C1QTNF7: variants seen among roughly 807,000 people sequenced by gnomAD.
C1QTNF7 encodes C1q and TNF related 7.
C1QTNF7 carries 15 observed loss-of-function variants against 19.6 expected under a neutral mutation model. That is an observed-to-expected ratio of 0.76 (90% CI 0.51 to 1.18). The LOEUF (loss-of-function observed/expected upper bound fraction) is 1.18, where lower values mean the gene tolerates loss of function less well. Among genes scored for constraint, C1QTNF7 ranks in the 50% most tolerant of loss-of-function variants. The pLI is 0.00. For missense variants in C1QTNF7, 324 were observed against 359.7 expected, an observed-to-expected ratio of 0.90 and a Z score of 0.80; for synonymous variants, 142 against 137.5, an observed-to-expected ratio of 1.03 and a Z score of -0.23.
intron 1 of C1QTNF7, among the ~76,000 whole-genome samples, chr4:15,349,428 T>A (rs922675808): frequency 3.3e-5 from 5 of 152,140 alleles, no homozygotes; most frequent in African/African-American, 1.2e-4. Flanking sequence ...AGAAACTGCA[T>A]AAATTTCAGT....
At chr4:15,350,935 G>C (rs954141514) in intron 1 of C1QTNF7, among the ~76,000 whole-genome samples, 1 of 152,200 alleles carries the variant, frequency 6.6e-6, no homozygotes, top group African/African-American at 2.4e-5. Context: ...AATCCAAAGA[G>C]ACAGCAAAAT....
intron 1 of C1QTNF7, among the ~76,000 whole-genome samples, chr4:15,384,023 G>T (rs187130258): frequency 7.6e-4 from 116 of 152,360 alleles, no homozygotes; most frequent in Non-Finnish European, 1.5e-3. Flanking sequence ...CCACCCAGGT[G>T]GAGGACTTGG....
intron 1 of C1QTNF7, among the ~76,000 whole-genome samples, chr4:15,406,252 C>A (rs115354750): frequency 3.9e-5 from 6 of 152,194 alleles, no homozygotes; most frequent in Non-Finnish European, 8.8e-5. Flanking sequence ...GCACCTAATA[C>A]ATATTCAATA....
At chr4:15,429,769 T>C (rs1712224839) in intron 1 of C1QTNF7, among the ~76,000 whole-genome samples, 1 of 152,240 alleles carries the variant, frequency 6.6e-6, no homozygotes, top group Admixed American at 6.5e-5. Flanking sequence ...TCCCTGATTT[T>C]ACTTCTTTTG....
At chr4:15,369,523 G>C (rs1288659580) in intron 1 of C1QTNF7, among the ~76,000 whole-genome samples, 4 of 152,092 alleles carry the variant, frequency 2.6e-5, no homozygotes, top group Non-Finnish European at 4.4e-5. Context: ...AGCTACATCT[G>C]TTATTGTTTG....
rs150080048 is a variant in C1QTNF7 at position 15,442,593 on chromosome 4, G to A, written c.664G>A (p.Asp222Asn). The A allele has an allele frequency of 1.2e-6, 2 of 1,613,974 alleles. No individual in the cohort carries two copies. The highest frequency in any genetic ancestry group is 2.7e-5 in the African/African-American group (2 of 74,882). The stretch of plus-strand genomic sequence containing the variant: ...TGGGCAATACCGGATAAAGACCTTC[G>A]ACGCCAACACAGGAAACCATGATGT... Reference protein sequence around the residue: ...HNGQYRIKTFDANTGNHDVAS... With the variant: ...HNGQYRIKTFNANTGNHDVAS... Residue 222 changes from aspartate to asparagine, a missense_variant, in exon 3 of 3, where the codon GAC becomes AAC. Transcript: ENST00000444304.
intron 1 of C1QTNF7, among the ~76,000 whole-genome samples, chr4:15,359,122 G>A (rs1717252125): frequency 6.6e-6 from 1 of 152,112 alleles, no homozygotes; most frequent in South Asian, 2.1e-4. Context: ...GGGCGGCTAG[G>A]CATAGGCATG....
At chr4:15,435,193 G>A (rs993887806) in intron 1 of C1QTNF7, among the ~76,000 whole-genome samples, 11 of 152,166 alleles carry the variant, frequency 7.2e-5, no homozygotes, top group African/African-American at 2.7e-4. Context: ...ATTTTTTAAT[G>A]TCACACATAA....
At chr4:15,440,614 A>G (rs992450265) in intron 2 of C1QTNF7, among the ~76,000 whole-genome samples, 3 of 151,782 alleles carry the variant, frequency 2.0e-5, no homozygotes, top group Non-Finnish European at 4.4e-5. Flanking sequence ...CACCGTGTTA[A>G]CCAGGATGGT....
At chr4:15,403,222 GCAAT>G (rs964907509) in intron 1 of C1QTNF7, among the ~76,000 whole-genome samples, 6 of 152,126 alleles carry the variant, frequency 3.9e-5, no homozygotes, top group African/African-American at 1.4e-4. Flanking sequence ...CTTGGAGTCA[GCAAT>G]CAATTTTGCT....
intron 1 of C1QTNF7, among the ~76,000 whole-genome samples, chr4:15,397,311 CA>C (rs1341434912): frequency 1.3e-5 from 2 of 152,190 alleles, no homozygotes; most frequent in East Asian, 1.9e-4. Flanking sequence ...AGCAGGGCAA[CA>C]GCAGTTTCTG....
rs1022168430 is a variant in C1QTNF7, at chr4:15,383,366, A to G, written c.13+43159A>G. On this transcript the variant is annotated intron_variant, in intron 1 of 2. Transcript: ENST00000295297. ...CATGGCCCCCAAAATGGTTACGCTA[A>G]TACCAACAGACTTAAGCCTTTCCTA... is the stretch of plus-strand genomic sequence containing the variant. 3.9e-5 allele frequency among the ~76,000 whole-genome samples: 6 copies of G among 152,212 alleles called. No homozygotes were observed. In the South Asian group the frequency reaches 1.0e-3, roughly 26 times the overall value.
intron 1 of C1QTNF7, among the ~76,000 whole-genome samples, chr4:15,348,522 G>A (rs2109284363): frequency 1.3e-5 from 2 of 152,264 alleles, no homozygotes; most frequent in Middle Eastern, 6.8e-3. Context: ...GTCAGGGGCT[G>A]TCATCTAAAC....
At chr4:15,388,496 G>A (rs2108897012) in intron 1 of C1QTNF7, among the ~76,000 whole-genome samples, 1 of 152,256 alleles carries the variant, frequency 6.6e-6, no homozygotes, top group South Asian at 2.1e-4. Flanking sequence ...CAAATTAAAG[G>A]TACAGTGTGC....
At chr4:15,410,481 A>G (rs748985434) in intron 1 of C1QTNF7, among the ~76,000 whole-genome samples, 5 of 152,238 alleles carry the variant, frequency 3.3e-5, no homozygotes, top group Non-Finnish European at 5.9e-5. Context: ...AAAAGGCATT[A>G]TAACTACCTT....
intron 1 of C1QTNF7, among the ~76,000 whole-genome samples, chr4:15,411,798 A>T (rs1331851026): frequency 6.6e-6 from 1 of 152,180 alleles, no homozygotes; most frequent in Non-Finnish European, 1.5e-5. Flanking sequence ...GTGGGCTTCC[A>T]GGGCTACATT....
In C1QTNF7 at chr4:15,413,968, A is replaced by G. The variant is rs1719497348; in HGVS notation, c.14-21768A>G. 2.0e-5 allele frequency among the ~76,000 whole-genome samples: 3 copies of G among 152,212 alleles called. No individual in the cohort carries two copies. In the South Asian group the frequency reaches 6.2e-4, roughly 32 times the overall value. On this transcript the variant is annotated intron_variant, in intron 1 of 2. Coordinates refer to the C1QTNF7 transcript ENST00000295297. The stretch of plus-strand genomic sequence containing the variant: ...ATGTATATGGAACATTGTCATCACA[A>G]TGTGTATTTAATTGTTTTTAAATTT...
intron 1 of C1QTNF7, among the ~76,000 whole-genome samples, chr4:15,386,950 G>A (rs1391852488): frequency 1.3e-5 from 2 of 152,076 alleles, no homozygotes; most frequent in African/African-American, 4.8e-5. Context: ...CTACCAGGAG[G>A]GCTCTGTCTG....
At chr4:15,433,788 G>C (rs1217452649) in intron 1 of C1QTNF7, among the ~76,000 whole-genome samples, 1 of 152,144 alleles carries the variant, frequency 6.6e-6, no homozygotes, top group African/African-American at 2.4e-5. Context: ...CAGAAAGGTG[G>C]CCCCCTGAGG....
Sources: gnomAD v4.1 joint callset for allele counts (sites outside exome capture counted in the v4.1 genomes callset) on GRCh38, gnomAD v4.1.1 for gene constraint, MANE v1.5 for transcripts, NCBI Gene and HGNC (gene_info 2026-07-23, HGNC 2026-07-21) for gene names.